Variants in ARHGAP10 observed in about 807,000 individuals in gnomAD.
The protein encoded by ARHGAP10 is rho GTPase-activating protein 10.
Under a neutral mutation model 108.6 loss-of-function variants are expected in ARHGAP10, and 87 were observed. That is an observed-to-expected ratio of 0.80 (90% CI 0.67 to 0.96). The LOEUF (loss-of-function observed/expected upper bound fraction) is 0.96, where lower values mean the gene tolerates loss of function less well. Ranked by LOEUF, ARHGAP10 falls within the 40% of genes least tolerant of loss-of-function variation. The pLI, the probability that ARHGAP10 is intolerant of heterozygous loss-of-function variation, is 0.00. For synonymous variants in ARHGAP10, 347 were observed against 341.1 expected (o/e 1.02, Z -0.19); for missense variants, 939 against 954.5 (o/e 0.98, Z 0.21).
chr4:147,995,709 G>A (rs1317739961), intron 18 of ARHGAP10, among the ~76,000 whole-genome samples: 3 of 152,034 alleles, frequency 2.0e-5, no homozygotes, highest in Non-Finnish European at 4.4e-5. Context: ...AAATTTGCAT[G>A]GTCCATCTCT....
At chr4:147,867,587 C>T (rs61479941) in intron 7 of ARHGAP10, among the ~76,000 whole-genome samples, 5,688 of 152,040 alleles carry the variant, frequency 0.037, 254 homozygotes, top group East Asian at 0.096. Flanking sequence ...GAGAGTGGGC[C>T]GGGCACAGTG....
At chr4:147,854,889 C>T in intron 4 of ARHGAP10, 1 of 984,150 alleles carries the variant, frequency 1.0e-6, no homozygotes, top group South Asian at 4.7e-5. Flanking sequence ...ATTCTTTCTT[C>T]ATAAAGGCTT....
At chr4:148,008,448 G>T (rs1394690704) in intron 18 of ARHGAP10, among the ~76,000 whole-genome samples, 1 of 151,612 alleles carries the variant, frequency 6.6e-6, no homozygotes, top group Non-Finnish European at 1.5e-5. Context: ...GTAGTGTCTA[G>T]AGACAGTTTT....
At chr4:147,844,479 C>G (rs80305223) in intron 3 of ARHGAP10, among the ~76,000 whole-genome samples, 1,562 of 152,280 alleles carry the variant, frequency 0.01, 27 homozygotes, top group African/African-American at 0.034. Flanking sequence ...CTACCTCCCC[C>G]CTACTATACT....
At chr4:147,802,587 G>A (rs907202288) in intron 1 of ARHGAP10, among the ~76,000 whole-genome samples, 1 of 152,176 alleles carries the variant, frequency 6.6e-6, no homozygotes, top group Non-Finnish European at 1.5e-5. Flanking sequence ...TTTGTGTCTC[G>A]TAGTTACTTG....
rs78935613 is a variant in ARHGAP10 at position 147,889,452 on chromosome 4, G to A, written c.1034+7520G>A. 4.5e-4 allele frequency among the ~76,000 whole-genome samples: 68 copies of A among 152,008 alleles called. 1 individual carries two copies. Among genetic ancestry groups the A allele is most frequent in the African/African-American group, 1.5e-3 (62 of 41,452 alleles). The stretch of plus-strand genomic sequence containing the variant: ...GTAGCTGGGATTACAGGCATACACC[G>A]CCACGCCCGGCTAATTTTTGTATTT... On this transcript the variant is annotated intron_variant, in intron 10 of 22. Transcript: ENST00000336498.
At chr4:147,840,066 A>G (rs552891817) in intron 3 of ARHGAP10, among the ~76,000 whole-genome samples, 73 of 152,256 alleles carry the variant, frequency 4.8e-4, no homozygotes, top group Non-Finnish European at 8.7e-4. Flanking sequence ...GAGATGGATG[A>G]GGACCTCCGC....
At chr4:147,973,519 C>A (rs1461509449) in intron 18 of ARHGAP10, among the ~76,000 whole-genome samples, 1 of 152,110 alleles carries the variant, frequency 6.6e-6, no homozygotes, top group Non-Finnish European at 1.5e-5. Context: ...AGCATTTATC[C>A]ATTCTTTGTG....
intron 18 of ARHGAP10, among the ~76,000 whole-genome samples, chr4:148,018,401 A>G (rs1484474295): frequency 2.0e-5 from 3 of 152,224 alleles, no homozygotes; most frequent in Non-Finnish European, 2.9e-5. Context: ...TTGGCAATGT[A>G]GAACAAGATA....
intron 1 of ARHGAP10, among the ~76,000 whole-genome samples, chr4:147,807,302 T>A (rs1161636411): frequency 6.6e-6 from 1 of 152,170 alleles, no homozygotes; most frequent in Non-Finnish European, 1.5e-5. Context: ...TTGTTAAGAA[T>A]TTTGAAATGA....
At chr4:147,957,352 T>C (rs1305721045) in intron 16 of ARHGAP10, among the ~76,000 whole-genome samples, 1 of 152,200 alleles carries the variant, frequency 6.6e-6, no homozygotes, top group African/African-American at 2.4e-5. Context: ...TTGCCTCTTT[T>C]AGAGAGTGTG....
intron 4 of ARHGAP10, among the ~76,000 whole-genome samples, chr4:147,851,949 A>C (rs915516821): frequency 6.6e-6 from 1 of 152,120 alleles, no homozygotes; most frequent in Non-Finnish European, 1.5e-5. Flanking sequence ...TAGCCATGTG[A>C]TTTGGGACAA....
chr4:147,871,160 G>T (rs868303367), intron 7 of ARHGAP10, among the ~76,000 whole-genome samples: 1 of 152,012 alleles, frequency 6.6e-6, no homozygotes, highest in Non-Finnish European at 1.5e-5. Flanking sequence ...GGGTTTCACC[G>T]TGTTAGCCAG....
intron 8 of ARHGAP10, among the ~76,000 whole-genome samples, chr4:147,875,482 G>A (rs1735021484): frequency 6.6e-6 from 1 of 151,958 alleles, no homozygotes; most frequent in South Asian, 2.1e-4. Flanking sequence ...GAGTTACGAG[G>A]GTATGATGTT....
intron 17 of ARHGAP10, among the ~76,000 whole-genome samples, chr4:147,965,596 A>G (rs540403785): frequency 6.6e-6 from 1 of 152,250 alleles, no homozygotes; most frequent in Admixed American, 6.5e-5. Context: ...TATAGAGATC[A>G]TTCTAACTGT....
At chr4:147,758,972 C>CAAAAAA in intron 1 of ARHGAP10, among the ~76,000 whole-genome samples, 1 of 56,208 alleles carries the variant, frequency 1.8e-5, no homozygotes, top group Non-Finnish European at 3.6e-5. Flanking sequence ...GACTCTGTCT[C>CAAAAAA]AAAAAAAAAA....
intron 13 of ARHGAP10, among the ~76,000 whole-genome samples, chr4:147,929,162 T>G (rs543538171): frequency 6.6e-5 from 10 of 152,356 alleles, no homozygotes; most frequent in African/African-American, 2.4e-4. Context: ...ATGTTGAATC[T>G]CATCTTTGTA....
At chr4:147,897,001 G>T (rs1049971070) in intron 10 of ARHGAP10, among the ~76,000 whole-genome samples, 1 of 151,612 alleles carries the variant, frequency 6.6e-6, no homozygotes, top group Non-Finnish European at 1.5e-5. Context: ...GGATTTTTTT[G>T]CATATGTGCA....
chr4:147,946,821 G>A, intron 15 of ARHGAP10, 117 bp downstream of exon 15: 1 of 774,456 alleles, frequency 1.3e-6, no homozygotes, highest in Non-Finnish European at 1.8e-6. Flanking sequence ...TTTAAAAAGG[G>A]AAAATTTATC....
Sources: gnomAD v4.1 joint callset for allele counts (sites outside exome capture counted in the v4.1 genomes callset) on GRCh38, gnomAD v4.1.1 for gene constraint, MANE v1.5 for transcripts, NCBI Gene and HGNC (gene_info 2026-07-23, HGNC 2026-07-21) for gene names.